The following RBFOX1 variants were observed in gnomAD, a reference collection of about 807,000 sequenced individuals.
The protein encoded by RBFOX1 is RNA binding protein fox-1 homolog 1.
A neutral mutation model predicts 57.7 loss-of-function variants in RBFOX1; 8 were observed. The ratio of observed to expected loss-of-function variants is 0.14; its 90% CI spans 0.08 to 0.25. The LOEUF (loss-of-function observed/expected upper bound fraction) is 0.25, where lower values mean the gene tolerates loss of function less well. RBFOX1 is among the 10% of genes least tolerant of loss of function. RBFOX1 has a pLI of 1.00. For missense variants in RBFOX1, 611 were observed against 548.5 expected (o/e 1.11, Z -1.14); for synonymous variants, 326 against 222.4 (o/e 1.47, Z -4.15).
rs977636319 is a variant in RBFOX1, at chr16:6,724,711, T to C, written c.-16+70061T>C. On this transcript the variant is annotated intron_variant, in intron 3 of 15. Coordinates refer to ENST00000550418, the MANE Select transcript of RBFOX1 (RefSeq NM_018723.4). ...ACATTTAAGAGTTCAGATTAGACCA[T>C]ATAGGGTAACTTTTTTTTTTAATTT... 5.3e-5 allele frequency among the ~76,000 whole-genome samples: 8 copies of C among 152,188 alleles called. No individual in the cohort carries two copies. In the East Asian group the frequency reaches 9.6e-4, roughly 18 times the overall value.
chr16:6,307,940 T>C lies in RBFOX1; in HGVS notation c.-126-9055T>C, dbSNP rs1036343344. Reference sequence around the variant, plus strand: ...TTTATAAATTATAATCATATATTCATTTAGGTTGTTATTTACATATTATAA... The same window carrying C: ...TTTATAAATTATAATCATATATTCACTTAGGTTGTTATTTACATATTATAA... On this transcript the variant is annotated intron_variant, in intron 1 of 15. Transcript: ENST00000550418. Among the ~76,000 whole-genome samples, 3 of 148,256 alleles carry C rather than the reference T, an allele frequency of 2.0e-5. No homozygotes were observed. The South Asian group carries it at 6.5e-4, about 32-fold the overall frequency.
At chr16:6,566,307 C>T (rs1212357239) in intron 2 of RBFOX1, among the ~76,000 whole-genome samples, 1 of 152,156 alleles carries the variant, frequency 6.6e-6, no homozygotes, top group East Asian at 1.9e-4. Context: ...CCTAATTGCA[C>T]CTCGATTCTA....
At chr16:7,224,040 G>C (rs1476314934) in intron 4 of RBFOX1, among the ~76,000 whole-genome samples, 1 of 141,886 alleles carries the variant, frequency 7.0e-6, no homozygotes, top group Admixed American at 7.7e-5. Flanking sequence ...TTGTATTTAT[G>C]ACCTTTGGGA....
At chr16:5,511,724 C>G (rs2043599869) in intron 2 of RBFOX1, among the ~76,000 whole-genome samples, 1 of 152,124 alleles carries the variant, frequency 6.6e-6, no homozygotes, top group Non-Finnish European at 1.5e-5. Context: ...AGGATTTGAA[C>G]CCATGTTGGC....
chr16:7,312,920 G>A lies in RBFOX1; in HGVS notation c.28-205227G>A, dbSNP rs370026497. Among the ~76,000 whole-genome samples, 8 of 152,136 alleles carry A rather than the reference G, an allele frequency of 5.3e-5. No individual in the cohort carries two copies. In the East Asian group the frequency reaches 7.8e-4, roughly 15 times the overall value. On this transcript the variant is annotated intron_variant, in intron 4 of 15. Transcript: ENST00000550418. Reference sequence around the variant, plus strand: ...GAGAGTCTGGCGGAGCTCTCTGGGGGCCCCAGGGTGCCTGGGTGCTTGGCA... The same window carrying A: ...GAGAGTCTGGCGGAGCTCTCTGGGGACCCCAGGGTGCCTGGGTGCTTGGCA...
intron 3 of RBFOX1, among the ~76,000 whole-genome samples, chr16:5,746,293 T>C (rs1266627218): frequency 6.6e-6 from 1 of 152,212 alleles, no homozygotes; most frequent in Non-Finnish European, 1.5e-5. Flanking sequence ...GTTCCATTGG[T>C]CTATATCTCT....
intron 1 of RBFOX1, among the ~76,000 whole-genome samples, chr16:5,318,887 C>G (rs1038126730): frequency 1.3e-5 from 2 of 152,086 alleles, no homozygotes; most frequent in African/African-American, 4.8e-5. Flanking sequence ...AATCCAAGCA[C>G]TTTGGGAGGC....
At chr16:6,640,841 A>G (rs1437051677) in intron 2 of RBFOX1, among the ~76,000 whole-genome samples, 1 of 152,080 alleles carries the variant, frequency 6.6e-6, no homozygotes, top group Non-Finnish European at 1.5e-5. Flanking sequence ...GTCATGTTCT[A>G]GCCCCATCTT....
intron 1 of RBFOX1, among the ~76,000 whole-genome samples, chr16:6,255,565 G>A (rs1322178510): frequency 1.3e-5 from 2 of 152,122 alleles, no homozygotes; most frequent in African/African-American, 2.4e-5. Context: ...CCAACAGGAG[G>A]AATGCGCTGT....
intron 3 of RBFOX1, among the ~76,000 whole-genome samples, chr16:5,643,671 C>T (rs920571437): frequency 2.0e-5 from 3 of 152,116 alleles, no homozygotes; most frequent in African/African-American, 7.2e-5. Flanking sequence ...TTCAGCTTTC[C>T]CCAGAGCCTG....
At position 6,248,679 on chromosome 16, in the gene RBFOX1, G is replaced by C. The variant is rs1291940294; in HGVS notation, c.-126-68316G>C. On this transcript the variant is annotated intron_variant, in intron 1 of 15. Transcript: ENST00000550418. ...TAATTTTAAAAAGATGCATGTGATG[G>C]AGGGGTGATTTGATATAGAGGTTAA... Among the ~76,000 whole-genome samples the C allele has an allele frequency of 2.0e-5, 3 of 152,068 alleles. No individual in the cohort carries two copies. In the East Asian group the frequency reaches 5.8e-4, roughly 29 times the overall value.
intron 2 of RBFOX1, among the ~76,000 whole-genome samples, chr16:6,581,688 T>A (rs1357203330): frequency 6.6e-6 from 1 of 152,190 alleles, no homozygotes; most frequent in Non-Finnish European, 1.5e-5. Context: ...GCCTCCCTCA[T>A]GGGTTCTGCT....
At chr16:7,447,675 A>G (rs894649834) in intron 4 of RBFOX1, among the ~76,000 whole-genome samples, 1 of 152,184 alleles carries the variant, frequency 6.6e-6, no homozygotes, top group Non-Finnish European at 1.5e-5. Context: ...CTTCCTGTCT[A>G]TGAACCTCTG....
At chr16:7,183,867 C>A (rs758271605) in intron 4 of RBFOX1, among the ~76,000 whole-genome samples, 2 of 152,162 alleles carry the variant, frequency 1.3e-5, no homozygotes. Context: ...TCTCTGCCCT[C>A]ATGGAACCAC....
At chr16:7,069,045 G>A (rs1014410603) in intron 4 of RBFOX1, among the ~76,000 whole-genome samples, 1 of 152,162 alleles carries the variant, frequency 6.6e-6, no homozygotes, top group Non-Finnish European at 1.5e-5. Context: ...ATGAGTGAAT[G>A]GATGTTTCTA....
intron 5 of RBFOX1, among the ~76,000 whole-genome samples, chr16:7,524,993 A>T (rs2078367863): frequency 6.6e-6 from 1 of 152,216 alleles, no homozygotes; most frequent in Non-Finnish European, 1.5e-5. Flanking sequence ...GAAAACTAAC[A>T]TGTCCTAATA....
At chr16:7,192,326 T>A (rs977166568) in intron 4 of RBFOX1, among the ~76,000 whole-genome samples, 1 of 152,082 alleles carries the variant, frequency 6.6e-6, no homozygotes, top group East Asian at 1.9e-4. Context: ...AGTGGAGAGG[T>A]TCCATCTAAG....
chr16:6,896,799 T>A (rs1434832397), intron 3 of RBFOX1, among the ~76,000 whole-genome samples: 1 of 152,196 alleles, frequency 6.6e-6, no homozygotes, highest in Middle Eastern at 3.4e-3. Flanking sequence ...GTGGGAGCAT[T>A]TGAGATCATA....
At chr16:5,553,447 C>G (rs186288730) in intron 2 of RBFOX1, among the ~76,000 whole-genome samples, 39 of 152,038 alleles carry the variant, frequency 2.6e-4, no homozygotes, top group African/African-American at 8.0e-4. Context: ...TCCCGAGTAG[C>G]TGGGACTACA....
Sources: allele counts gnomAD v4.1 joint callset (sites outside exome capture counted in the v4.1 genomes callset), GRCh38; gene constraint gnomAD v4.1.1; transcripts MANE v1.5; gene names NCBI Gene and HGNC (gene_info 2026-07-23, HGNC 2026-07-21).